The following ADGRL2 variants were observed in gnomAD, a reference collection of about 807,000 sequenced individuals.
The protein encoded by ADGRL2 is calcium-independent alpha-latrotoxin receptor 2.
A neutral mutation model predicts 157.4 loss-of-function variants in ADGRL2; 44 were observed. The ratio of observed to expected loss-of-function variants is 0.28; its 90% CI spans 0.22 to 0.36. The LOEUF (loss-of-function observed/expected upper bound fraction) is 0.36. Ranked by LOEUF, ADGRL2 falls within the 10% of genes least tolerant of loss-of-function variation. The pLI is 1.00. For missense variants in ADGRL2, 1,510 were observed against 1,768.9 expected (o/e 0.85, Z 2.63); for synonymous variants, 585 against 624.7 (o/e 0.94, Z 0.95).
intron 1 of ADGRL2, among the ~76,000 whole-genome samples, chr1:81,753,819 A>T (rs1166821903): frequency 6.6e-6 from 1 of 152,176 alleles, no homozygotes; most frequent in African/African-American, 2.4e-5. Flanking sequence ...AAATATCTGG[A>T]AAGTTGTCAT....
chr1:81,510,139 A>C (rs1226151918), intron 2 of ADGRL2, among the ~76,000 whole-genome samples: 1 of 152,198 alleles, frequency 6.6e-6, no homozygotes, highest in African/African-American at 2.4e-5. Flanking sequence ...AAATCAAAGG[A>C]GTTATCTTGC....
chr1:81,323,411 A>ATT (rs138358062), intron 1 of ADGRL2, among the ~76,000 whole-genome samples: 2,836 of 109,712 alleles, frequency 0.026, 119 homozygotes, highest in Admixed American at 0.047. Flanking sequence ...GACTAATTCA[A>ATT]TTTTTTTTTT....
At chr1:81,589,066 G>A (rs1419437035) in intron 3 of ADGRL2, among the ~76,000 whole-genome samples, 3 of 152,184 alleles carry the variant, frequency 2.0e-5, no homozygotes, top group East Asian at 3.9e-4. Flanking sequence ...AATCATTGAG[G>A]ACAGAGAACC....
intron 11 of ADGRL2, among the ~76,000 whole-genome samples, chr1:81,962,902 T>G (rs1655907358): frequency 6.6e-6 from 1 of 152,134 alleles, no homozygotes. Context: ...TGGCTGCTTT[T>G]TGGCATGTCT....
At chr1:81,459,397 T>C (rs1192092509) in intron 2 of ADGRL2, among the ~76,000 whole-genome samples, 1 of 152,182 alleles carries the variant, frequency 6.6e-6, no homozygotes, top group Admixed American at 6.5e-5. Flanking sequence ...ATACCTCAAG[T>C]AGAATCAAGT....
chr1:81,354,834 A>C (rs1663162318), intron 1 of ADGRL2, among the ~76,000 whole-genome samples: 1 of 152,164 alleles, frequency 6.6e-6, no homozygotes, highest in South Asian at 2.1e-4. Context: ...AATAGGTCTT[A>C]GTAATTGTTT....
chr1:81,950,153 GTGTT>G, intron 6 of ADGRL2, 32 bp from the exon 7 acceptor site: 1 of 1,571,542 alleles, frequency 6.4e-7, no homozygotes, highest in South Asian at 1.1e-5. Flanking sequence ...GTGCAAGTGT[GTGTT>G]TGAGATTAAT....
intron 1 of ADGRL2, chr1:81,722,740 A>C (rs1442458722): frequency 2.3e-6 from 2 of 878,022 alleles, no homozygotes; most frequent in Middle Eastern, 3.4e-4. Context: ...AAGAATAGAA[A>C]GAGTTAAGAA....
chr1:81,398,968 T>C (rs1021989174), intron 1 of ADGRL2, among the ~76,000 whole-genome samples: 3 of 152,188 alleles, frequency 2.0e-5, no homozygotes, highest in African/African-American at 7.2e-5. Flanking sequence ...TTCACACTAC[T>C]ATCAGGAACT....
chr1:81,623,659 CAG>C (rs2081846721), intron 3 of ADGRL2, among the ~76,000 whole-genome samples: 1 of 115,258 alleles, frequency 8.7e-6, no homozygotes, highest in African/African-American at 3.5e-5. Flanking sequence ...TTTTTTGAGA[CAG>C]AGTCTTGCTC....
chr1:81,856,791 A>C (rs1013116845), intron 2 of ADGRL2, among the ~76,000 whole-genome samples: 1 of 151,992 alleles, frequency 6.6e-6, no homozygotes, highest in Non-Finnish European at 1.5e-5. Context: ...TTTGTAGGGC[A>C]TACTTAATTA....
chr1:81,339,653 T>G (rs1454161207), intron 1 of ADGRL2, among the ~76,000 whole-genome samples: 1 of 152,204 alleles, frequency 6.6e-6, no homozygotes, highest in Non-Finnish European at 1.5e-5. Flanking sequence ...TCCCAGGACT[T>G]GAAACCTTAG....
intron 3 of ADGRL2, among the ~76,000 whole-genome samples, chr1:81,922,933 GATCT>G (rs2095022039): frequency 6.6e-6 from 1 of 151,960 alleles, no homozygotes; most frequent in African/African-American, 2.4e-5. Context: ...GTGATCAATT[GATCT>G]ATCTATGTAT....
intron 10 of ADGRL2, among the ~76,000 whole-genome samples, chr1:81,953,917 C>A (rs1351971172): frequency 6.6e-6 from 1 of 152,078 alleles, no homozygotes; most frequent in African/African-American, 2.4e-5. Flanking sequence ...AAAGGCATGA[C>A]TTCACTAATT....
intron 2 of ADGRL2, among the ~76,000 whole-genome samples, chr1:81,490,942 A>G (rs767611877): frequency 2.8e-4 from 42 of 152,220 alleles, no homozygotes; most frequent in South Asian, 6.2e-4. Context: ...AAAGTAAGGC[A>G]CTATTGACCT....
intron 2 of ADGRL2, among the ~76,000 whole-genome samples, chr1:81,489,000 T>C (rs1330447498): frequency 6.6e-6 from 1 of 152,064 alleles, no homozygotes. Context: ...CTGTGGGAAG[T>C]TGAGGTGGGT....
At chr1:81,574,754 A>G (rs548522703) in intron 2 of ADGRL2, among the ~76,000 whole-genome samples, 3 of 152,312 alleles carry the variant, frequency 2.0e-5, no homozygotes, top group African/African-American at 7.2e-5. Flanking sequence ...CTTGAATAGT[A>G]ACAGCTTTCA....
chr1:81,842,353 C>CTTTTTTTTTTTTTTTTTTTTTTTTTGTT (rs71085377), intron 2 of ADGRL2, among the ~76,000 whole-genome samples: 1 of 54,952 alleles, frequency 1.8e-5, no homozygotes. Context: ...TCTTTTAGCG[C>CTTTTTTTTTTTTTTTTTTTTTTTTTGTT]TTTTTTTTTT....
chr1:81,698,763 A>T (rs1450429897), upstream of ADGRL2, among the ~76,000 whole-genome samples: 1 of 152,160 alleles, frequency 6.6e-6, no homozygotes, highest in Non-Finnish European at 1.5e-5. Flanking sequence ...CTTTGTTTTG[A>T]TCATGTTATA....
Sources: allele counts gnomAD v4.1 joint callset (sites outside exome capture counted in the v4.1 genomes callset), GRCh38; gene constraint gnomAD v4.1.1; transcripts MANE v1.5; gene names NCBI Gene and HGNC (gene_info 2026-07-23, HGNC 2026-07-21).